Variants in STOX2 observed in about 807,000 individuals in gnomAD.
STOX2 encodes storkhead box 2.
In STOX2, 28 loss-of-function variants were observed where a neutral mutation model predicts 60.9. The observed-to-expected ratio is 0.46, with a 90% confidence interval of 0.34 to 0.63. The LOEUF (loss-of-function observed/expected upper bound fraction) is 0.63, where lower values mean the gene tolerates loss of function less well. Ranked by LOEUF, STOX2 falls within the 30% of genes least tolerant of loss-of-function variation. The pLI, the probability that STOX2 is intolerant of heterozygous loss-of-function variation, is 0.01. For missense variants in STOX2, 1,024 were observed against 1,187.7 expected, an observed-to-expected ratio of 0.86 and a Z score of 2.03; for synonymous variants, 472 against 463.9, an observed-to-expected ratio of 1.02 and a Z score of -0.22.
At chr4:183,873,475 G>T (rs1204390588) in intron 1 of STOX2, among the ~76,000 whole-genome samples, 2 of 151,462 alleles carry the variant, frequency 1.3e-5, no homozygotes, top group Non-Finnish European at 2.9e-5. Flanking sequence ...GGGAGGATTG[G>T]TTGATTTCTT....
At chr4:183,858,036 G>T (rs1028046210) in intron 1 of STOX2, among the ~76,000 whole-genome samples, 1 of 152,136 alleles carries the variant, frequency 6.6e-6, no homozygotes, top group Admixed American at 6.6e-5. Flanking sequence ...GCCTCCTGGA[G>T]TCCACAGTGA....
intron 1 of STOX2, among the ~76,000 whole-genome samples, chr4:183,995,832 G>A (rs376628249): frequency 2.0e-5 from 3 of 152,154 alleles, no homozygotes; most frequent in Admixed American, 6.5e-5. Flanking sequence ...TGAACCTGCC[G>A]CAGCTCCCCA....
intron 1 of STOX2, among the ~76,000 whole-genome samples, chr4:183,859,577 G>C (rs1440669934): frequency 1.3e-5 from 2 of 152,220 alleles, no homozygotes; most frequent in African/African-American, 4.8e-5. Context: ...CGGGGCCAGG[G>C]TATGAACAGG....
At chr4:183,931,980 G>A (rs1351200618) in intron 1 of STOX2, among the ~76,000 whole-genome samples, 4 of 152,182 alleles carry the variant, frequency 2.6e-5, no homozygotes, top group Admixed American at 6.5e-5. Flanking sequence ...GGGAAGGGCT[G>A]TTTCAGGGAT....
chr4:183,847,719 T>C (rs1283085294), intron 1 of STOX2, among the ~76,000 whole-genome samples: 1 of 152,180 alleles, frequency 6.6e-6, no homozygotes, highest in Non-Finnish European at 1.5e-5. Flanking sequence ...CTTTTTCTTA[T>C]GTGTTCACCT....
At chr4:183,822,969 C>T (rs927537832) in intron 1 of STOX2, among the ~76,000 whole-genome samples, 2 of 152,224 alleles carry the variant, frequency 1.3e-5, no homozygotes, top group Non-Finnish European at 2.9e-5. Context: ...GCTCTCCTAG[C>T]CTTCCTGTGT....
chr4:183,874,703 G>C (rs1740772420), intron 1 of STOX2, among the ~76,000 whole-genome samples: 1 of 151,064 alleles, frequency 6.6e-6, no homozygotes, highest in Non-Finnish European at 1.5e-5. Flanking sequence ...GAGGCGGGCG[G>C]ATCACGAGGT....
intron 1 of STOX2, among the ~76,000 whole-genome samples, chr4:183,818,381 C>T (rs896397287): frequency 6.6e-6 from 1 of 152,144 alleles, no homozygotes; most frequent in African/African-American, 2.4e-5. Context: ...TGAGTGGACA[C>T]AGCACATGTT....
In STOX2 at chr4:183,947,292, AT is replaced by A. The variant is rs1344126828; in HGVS notation, c.166+40343del. On this transcript the variant is annotated intron_variant, in intron 1 of 3. Coordinates refer to ENST00000308497, the MANE Select transcript of STOX2 (RefSeq NM_020225.3). ...TTTTGCTTAATCGTTAGTTTTGATT[AT>A]TTTTTTCCGCATAGTTTTGATCGTT... Among the ~76,000 whole-genome samples, 5 of 151,904 alleles carry A rather than the reference AT, an allele frequency of 3.3e-5. No homozygotes were observed. The East Asian group carries it at 5.8e-4, about 18-fold the overall frequency.
chr4:183,929,807 G>A (rs938003533), intron 1 of STOX2, among the ~76,000 whole-genome samples: 6 of 152,200 alleles, frequency 3.9e-5, no homozygotes, highest in African/African-American at 1.4e-4. Flanking sequence ...TCACTGCTCT[G>A]TGAATAATTT....
chr4:183,862,270 G>A (rs1382376588), intron 1 of STOX2, among the ~76,000 whole-genome samples: 1 of 152,096 alleles, frequency 6.6e-6, no homozygotes, highest in African/African-American at 2.4e-5. Context: ...CTGCCTCCTG[G>A]GTACAAGCGA....
intron 1 of STOX2, among the ~76,000 whole-genome samples, chr4:183,892,482 G>A (rs951707462): frequency 6.6e-6 from 1 of 152,054 alleles, no homozygotes; most frequent in African/African-American, 2.4e-5. Flanking sequence ...GGGTTTCACC[G>A]TATTAGCCAG....
At chr4:183,867,402 G>A (rs577228075) in intron 1 of STOX2, among the ~76,000 whole-genome samples, 4 of 152,218 alleles carry the variant, frequency 2.6e-5, no homozygotes, top group Non-Finnish European at 5.9e-5. Flanking sequence ...AGCCCGAGGA[G>A]AAAGGCCAAG....
At chr4:183,811,284 T>C (rs192508920) in intron 1 of STOX2, among the ~76,000 whole-genome samples, 3 of 152,338 alleles carry the variant, frequency 2.0e-5, no homozygotes, top group Non-Finnish European at 4.4e-5. Flanking sequence ...CAGTTTATAT[T>C]GTGTTAAGTC....
intron 1 of STOX2, among the ~76,000 whole-genome samples, chr4:183,899,834 C>T (rs1257641485): frequency 6.6e-6 from 1 of 152,170 alleles, no homozygotes; most frequent in Non-Finnish European, 1.5e-5. Context: ...GTAGACAGAA[C>T]AGTCTTATTT....
chr4:183,810,261 C>G (rs1739004649), intron 1 of STOX2, among the ~76,000 whole-genome samples: 1 of 152,174 alleles, frequency 6.6e-6, no homozygotes, highest in Non-Finnish European at 1.5e-5. Flanking sequence ...GGCCCAGAAA[C>G]CTCCTTCATT....
intron 1 of STOX2, among the ~76,000 whole-genome samples, chr4:183,838,140 T>C (rs1338245224): frequency 2.0e-5 from 3 of 151,324 alleles, no homozygotes; most frequent in African/African-American, 7.3e-5. Context: ...ATAAATATAT[T>C]GACTAGATTT....
At chr4:183,933,999 A>G (rs1029109838) in intron 1 of STOX2, among the ~76,000 whole-genome samples, 1 of 152,212 alleles carries the variant, frequency 6.6e-6, no homozygotes, top group East Asian at 1.9e-4. Context: ...ACTTGATTCT[A>G]TCTATTTAAA....
At chr4:183,986,224 CA>C (rs753830471) in intron 1 of STOX2, among the ~76,000 whole-genome samples, 4 of 152,172 alleles carry the variant, frequency 2.6e-5, no homozygotes, top group South Asian at 4.1e-4. Flanking sequence ...TGTATGTTTT[CA>C]TCTGTATATG....
Sources: allele counts gnomAD v4.1 joint callset (sites outside exome capture counted in the v4.1 genomes callset), GRCh38; gene constraint gnomAD v4.1.1; transcripts MANE v1.5; gene names NCBI Gene and HGNC (gene_info 2026-07-23, HGNC 2026-07-21).